PLA2G3: variants seen among roughly 807,000 people sequenced by gnomAD.
PLA2G3 encodes group 3 secretory phospholipase A2.
Under a neutral mutation model 51.3 loss-of-function variants are expected in PLA2G3, and 39 were observed. That is an observed-to-expected ratio of 0.76 (90% CI 0.59 to 0.99). The LOEUF is 0.99. Ranked by LOEUF, PLA2G3 falls within the 50% of genes least tolerant of loss-of-function variation. PLA2G3 has a pLI of 0.00. For missense variants in PLA2G3, 677 were observed against 662.1 expected, an observed-to-expected ratio of 1.02 and a Z score of -0.25; for synonymous variants, 293 against 263.1, an observed-to-expected ratio of 1.11 and a Z score of -1.10.
chr22:31,137,449 G>A (rs1031839484), intron 4 of PLA2G3, among the ~76,000 whole-genome samples: 2 of 152,184 alleles, frequency 1.3e-5, no homozygotes, highest in African/African-American at 4.8e-5. Context: ...AGGGTCTGCA[G>A]GGCCAAGGCT....
At position 31,140,436 on chromosome 22, in the gene PLA2G3, G is replaced by A. The variant is rs1415856383; in HGVS notation, c.-82C>T. 8 of 1,481,000 alleles carry A rather than the reference G, an allele frequency of 5.4e-6. No individual in the cohort carries two copies. The highest frequency in any genetic ancestry group is 7.2e-6 in the Non-Finnish European group (8 of 1,115,684). The allele number at this position is 1,481,000 out of a possible 1,614,324, so 91.7% of individuals were successfully genotyped here. The stretch of plus-strand genomic sequence containing the variant: ...CCCACCAGGCGGCAGCTGAGCAGTG[G>A]AACGGAAGCGGAGCCCAGCAGGCCC... On this transcript the variant is annotated 5_prime_UTR_variant, in exon 1 of 7. Coordinates refer to ENST00000215885, the MANE Select transcript of PLA2G3 (RefSeq NM_015715.5).
chr22:31,139,721 G>T, intron 1 of PLA2G3, 120 bp downstream of exon 1: 1 of 660,920 alleles, frequency 1.5e-6, no homozygotes, highest in Non-Finnish European at 2.6e-6. Context: ...AGGAAATTGA[G>T]GTTCACCATG....
rs144988571 is a variant in PLA2G3, at chr22:31,136,975, G to A, written c.1132C>T (p.Arg378Trp). The A allele has an allele frequency of 4.6e-5, 72 of 1,576,074 alleles. No individual in the cohort carries two copies. Among genetic ancestry groups the A allele is most frequent in the African/African-American group, 4.1e-5 (3 of 73,730 alleles). The change falls in exon 5 of 7, where the codon CGG (arginine) becomes TGG (tryptophan). Residue 378 changes from arginine to tryptophan, a missense_variant. Coordinates refer to ENST00000215885, the MANE Select transcript of PLA2G3 (RefSeq NM_015715.5). ...TTGAGCAGCTGGAACTCGATTTCCC[G>A]GGGCCCAATCTGGTGCTCACACTGG... The part of the protein sequence containing the change: ...LDQCEHQIGP[R>W]EIEFQLLNSA...
intron 4 of PLA2G3, 98 bp from the exon 5 acceptor site, chr22:31,137,138 T>TCA: frequency 8.4e-7 from 1 of 1,197,176 alleles, no homozygotes; most frequent in Non-Finnish European, 1.1e-6. Flanking sequence ...GTGTGCTCAG[T>TCA]CACACACACA....
rs764545037 is a variant in PLA2G3 at position 31,140,025 on chromosome 22, A to C, written c.330T>G (p.Thr110=). The change falls in exon 1 of 7, where the codon ACT becomes ACG. Residue 110 remains threonine (T), a synonymous_variant. Coordinates refer to ENST00000215885, the MANE Select transcript of PLA2G3 (RefSeq NM_015715.5). ...GGCATGCCTCCCACTGACTCTGAAG[A>C]GTGGCCAGTGCTCTCTGCAGCTCGG... ...PGPELQRALA[T]LQSQWEACRA... 3.7e-6 allele frequency: 6 copies of C among 1,613,624 alleles called. No homozygotes were observed. In the East Asian group the frequency reaches 1.3e-4, roughly 36 times the overall value.
chr22:31,136,959 T>A lies in PLA2G3; in HGVS notation c.1148A>T (p.Gln383Leu). 1 of 1,592,230 alleles carries A rather than the reference T, an allele frequency of 6.3e-7. No individual in the cohort carries two copies. The highest frequency in any genetic ancestry group is 8.5e-7 in the Non-Finnish European group (1 of 1,170,030). The part of the protein sequence containing the change: ...HQIGPREIEF[Q>L]LLNSAQEPLF... Reference sequence around the variant, plus strand: ...GGGCTCTTGGGCGCTGTTGAGCAGCTGGAACTCGATTTCCCGGGGCCCAAT... The same window carrying A: ...GGGCTCTTGGGCGCTGTTGAGCAGCAGGAACTCGATTTCCCGGGGCCCAAT... Residue 383 changes from glutamine (Q) to leucine (L), a missense_variant, in exon 5 of 7, where the codon CAG becomes CTG. Gln to Leu is a moderately radical substitution (Grantham distance 113). Coordinates refer to ENST00000215885, the MANE Select transcript of PLA2G3 (RefSeq NM_015715.5).
rs1363923037 is a variant in PLA2G3, at chr22:31,138,749, G to T, written c.565C>A (p.Gln189Lys). The T allele has an allele frequency of 2.5e-6, 4 of 1,613,992 alleles. No individual in the cohort carries two copies. In the African/African-American group the frequency reaches 5.3e-5, roughly 22 times the overall value. Reference sequence around the variant, plus strand: ...TTGTACTGCAAGGGTGAGATGTTCTGTGGGCAGCGGTCATGTTCCCGGCAA... The same window carrying T: ...TTGTACTGCAAGGGTGAGATGTTCTTTGGGCAGCGGTCATGTTCCCGGCAA... ...LCCREHDRCP[Q>K]NISPLQYNYG... The change falls in exon 2 of 7, where the codon CAG (glutamine) becomes AAG (lysine). Residue 189 changes from glutamine to lysine, a missense_variant. Gln to Lys is a moderately conservative substitution (Grantham distance 53). Transcript: ENST00000215885.
intron 6 of PLA2G3, 56 bp from the exon 7 acceptor site, chr22:31,135,992 C>G: frequency 6.9e-7 from 1 of 1,441,452 alleles, no homozygotes; most frequent in Non-Finnish European, 9.7e-7. Flanking sequence ...TCCCACCTTA[C>G]TCTGCAGACA....
Position 31,140,315 on chromosome 22 carries a change from G to A in PLA2G3, c.40C>T (p.Leu14=). The A allele has an allele frequency of 6.2e-7, 1 of 1,609,218 alleles. No individual in the cohort carries two copies. The highest frequency in any genetic ancestry group is 8.5e-7 in the Non-Finnish European group (1 of 1,179,266). Residue 14 remains leucine, a synonymous_variant, in exon 1 of 7, where the codon CTG becomes TTG. Transcript: ENST00000215885. ...GGGGAGCCCCCCAGGGCCACCCCCAGGAAGCCCAGCATCCCAAACAGCCCT... is the reference window on the plus strand; with the variant it reads ...GGGGAGCCCCCCAGGGCCACCCCCAAGAAGCCCAGCATCCCAAACAGCCCT... ...QAGLFGMLGF[L]GVALGGSPAL... is the part of the protein sequence containing the mutation.
At chr22:31,135,976 C>T in intron 6 of PLA2G3, 40 bp from the exon 7 acceptor site, 1 of 1,530,626 alleles carries the variant, frequency 6.5e-7, no homozygotes, top group Non-Finnish European at 9.0e-7. Flanking sequence ...TCAGGGCTGA[C>T]AAGGATCCCA....
Position 31,138,781 on chromosome 22 carries a change from T to G in PLA2G3, c.533A>C (p.Asp178Ala). The G allele has an allele frequency of 6.2e-7, 1 of 1,613,890 alleles. No homozygotes were observed. Among genetic ancestry groups the G allele is most frequent in the Non-Finnish European group, 8.5e-7 (1 of 1,179,976 alleles). ...GCGGTCATGTTCCCGGCAACAGAGA[T>G]CAGGTCCCTGGAAGACCCCTGCAGG... The part of the protein sequence containing the change: ...SSELGVFQGP[D>A]LCCREHDRCP... The change falls in exon 2 of 7, where the codon GAT becomes GCT. Residue 178 changes from aspartate to alanine, a missense_variant. By Grantham distance (126) the Asp-to-Ala change is moderately radical. Coordinates refer to ENST00000215885, the MANE Select transcript of PLA2G3 (RefSeq NM_015715.5).
In PLA2G3 at chr22:31,137,781, G is replaced by C. The variant is rs1363991161; in HGVS notation, c.995C>G (p.Pro332Arg). Residue 332 changes from proline (P) to arginine (R), a missense_variant, in exon 4 of 7, where the codon CCT becomes CGT. Pro to Arg is a moderately radical substitution (Grantham distance 103, BLOSUM62 -2). Coordinates refer to ENST00000215885, the MANE Select transcript of PLA2G3 (RefSeq NM_015715.5). ...SKANTTALQD[P>R]MVSPRLDVAP... ...CACATCAAGCCTGGGAGAGACCATA[G>C]GGTCCTGGAGGGCTGTGGTGTTGGC... 1 of 1,614,004 alleles carries C rather than the reference G, an allele frequency of 6.2e-7. No individual in the cohort carries two copies. Among genetic ancestry groups the C allele is most frequent in the Admixed American group, 1.7e-5 (1 of 60,018 alleles).
intron 1 of PLA2G3, 85 bp from the exon 2 acceptor site, chr22:31,138,884 G>A: frequency 7.1e-7 from 1 of 1,399,908 alleles, no homozygotes. Flanking sequence ...TAGGAAGAGG[G>A]CAGAGACCTG....
intron 1 of PLA2G3, among the ~76,000 whole-genome samples, chr22:31,139,562 C>CTT (rs1316596976): frequency 6.6e-5 from 10 of 152,266 alleles, no homozygotes. Flanking sequence ...GGCTTTTTGG[C>CTT]TCAGTTGACC....
At position 31,138,769 on chromosome 22, in the gene PLA2G3, C is replaced by A. The variant is rs375339936; in HGVS notation, c.545G>T (p.Arg182Leu). Residue 182 changes from arginine to leucine, a missense_variant, in exon 2 of 7, where the codon CGG becomes CTG. Arg to Leu is a moderately radical substitution (Grantham distance 102). Coordinates refer to ENST00000215885, the MANE Select transcript of PLA2G3 (RefSeq NM_015715.5). ...GVFQGPDLCC[R>L]EHDRCPQNIS... The stretch of plus-strand genomic sequence containing the variant: ...GTTCTGTGGGCAGCGGTCATGTTCC[C>A]GGCAACAGAGATCAGGTCCCTGGAA... 4.3e-6 allele frequency: 7 copies of A among 1,613,900 alleles called. No individual in the cohort carries two copies. The highest frequency in any genetic ancestry group is 5.9e-6 in the Non-Finnish European group (7 of 1,179,974).
At position 31,140,235 on chromosome 22, in the gene PLA2G3, G is replaced by A; in HGVS notation, c.120C>T (p.Asn40=). The change falls in exon 1 of 7, where the codon AAC becomes AAT. Residue 40 remains asparagine, a synonymous_variant. Transcript: ENST00000215885. ...CCAGGAAGCTCAGGTACCCCAGTGGGTTGCCAGGGACGGCCTTGGTCAAGT... is the reference window on the plus strand; with the variant it reads ...CCAGGAAGCTCAGGTACCCCAGTGGATTGCCAGGGACGGCCTTGGTCAAGT... ...SCHLTKAVPG[N]PLGYLSFLAK... is the part of the protein sequence containing the mutation. The A allele has an allele frequency of 6.2e-7, 1 of 1,612,644 alleles. No individual in the cohort carries two copies. The highest frequency in any genetic ancestry group is 8.5e-7 in the Non-Finnish European group (1 of 1,180,006).
chr22:31,136,884 C>T (rs201752896), intron 5 of PLA2G3, 24 bp downstream of exon 5: 196 of 1,607,352 alleles, frequency 1.2e-4, no homozygotes, highest in Middle Eastern at 5.0e-4. Context: ...CAGCCCACCC[C>T]GCGAGGGTTC....
rs1922842482 is a variant in PLA2G3, at chr22:31,140,479, G to C, written c.-125C>G. 1.9e-6 allele frequency: 2 copies of C among 1,059,726 alleles called. No homozygotes were observed. Among genetic ancestry groups the C allele is most frequent in the South Asian group, 1.6e-5 (1 of 62,850 alleles). 65.6% of individuals were successfully genotyped at this position (1,059,726 alleles called of 1,614,324 possible). On this transcript the variant is annotated 5_prime_UTR_variant, in exon 1 of 7. Coordinates refer to ENST00000215885, the MANE Select transcript of PLA2G3 (RefSeq NM_015715.5). Reference sequence around the variant, plus strand: ...GCAGGCCCGGTGCGGCGGGACCAATGAATGGAGCTGCGGGAGGAGGAGGAA... The same window carrying C: ...GCAGGCCCGGTGCGGCGGGACCAATCAATGGAGCTGCGGGAGGAGGAGGAA...
chr22:31,138,697 T>C lies in PLA2G3; in HGVS notation c.617A>G (p.His206Arg). 9.3e-6 allele frequency: 15 copies of C among 1,614,082 alleles called. No homozygotes were observed. Among genetic ancestry groups the C allele is most frequent in the Non-Finnish European group, 1.3e-5 (15 of 1,180,000 alleles). The change falls in exon 2 of 7, where the codon CAC (histidine) becomes CGC (arginine). Residue 206 changes from histidine to arginine, a missense_variant. By Grantham distance (29) the His-to-Arg change is conservative. Coordinates refer to ENST00000215885, the MANE Select transcript of PLA2G3 (RefSeq NM_015715.5). ...GTCACAGTCACAGTGGGAGATGGTG[T>C]GGAATCGGTAGTTTCGGATGCCATA... is the stretch of plus-strand genomic sequence containing the variant. ...YNYGIRNYRF[H>R]TISHCDCDTR... is the part of the protein sequence containing the mutation.
Sources: gnomAD v4.1 joint callset for allele counts (sites outside exome capture counted in the v4.1 genomes callset) on GRCh38, gnomAD v4.1.1 for gene constraint, MANE v1.5 for transcripts, NCBI Gene and HGNC (gene_info 2026-07-23, HGNC 2026-07-21) for gene names.